Variants in ADGRB1 observed in about 807,000 individuals in gnomAD.
The protein encoded by ADGRB1 is brain-specific angiogenesis inhibitor 1.
In ADGRB1, 36 loss-of-function variants were observed where a neutral mutation model predicts 175.7. The ratio of observed to expected loss-of-function variants is 0.20; its 90% CI spans 0.16 to 0.27. ADGRB1 has a LOEUF of 0.27. ADGRB1 is among the 10% of genes least tolerant of loss of function. The pLI is 1.00. For synonymous variants in ADGRB1, 1,054 were observed against 979.4 expected (o/e 1.08, Z -1.42); for missense variants, 1,731 against 2,255.3 (o/e 0.77, Z 4.71).
In ADGRB1 at chr8:142,474,702, C is replaced by A. The variant is rs1840852515; in HGVS notation, c.785-772C>A. On this transcript the variant is annotated intron_variant, in intron 2 of 30. Transcript: ENST00000517894. The surrounding 1 kb of genome is among the most constrained non-coding windows in gnomAD (Gnocchi z 5.8). ...TGAGGTCTGGTTTGCTAGGGGAACA[C>A]AGGTCCATGAAGGCCGCGGGGACTG... 6.6e-6 allele frequency among the ~76,000 whole-genome samples: 1 copy of A among 152,152 alleles called. No individual in the cohort carries two copies. The highest frequency in any genetic ancestry group is 1.5e-5 in the Non-Finnish European group (1 of 68,026).
At position 142,464,383 on chromosome 8, in the gene ADGRB1, C is replaced by T. The variant is rs772280990; in HGVS notation, c.185C>T (p.Pro62Leu). ...FGYFSAAAVF[P>L]ANASRCSWTL... Reference sequence around the variant, plus strand: ...TACTTCTCCGCGGCCGCCGTGTTCCCGGCCAACGCCTCGCGCTGCTCCTGG... The same window carrying T: ...TACTTCTCCGCGGCCGCCGTGTTCCTGGCCAACGCCTCGCGCTGCTCCTGG... Residue 62 changes from proline (P) to leucine (L), a missense_variant, in exon 2 of 31, where the codon CCG becomes CTG. Physicochemically the swap from Pro to Leu is moderately conservative, Grantham distance 98. This residue lies in a region of ADGRB1 where 383 missense variants were observed against 383.1 expected (regional missense o/e 1.00). Transcript: ENST00000517894. 1.3e-6 allele frequency: 2 copies of T among 1,525,886 alleles called. No homozygotes were observed. Among genetic ancestry groups the T allele is most frequent in the Non-Finnish European group, 8.8e-7 (1 of 1,140,412 alleles). 94.5% of individuals were successfully genotyped at this position (1,525,886 alleles called of 1,614,324 possible).
intron 1 of ADGRB1, among the ~76,000 whole-genome samples, chr8:142,456,296 C>T (rs374760202): frequency 6.6e-6 from 1 of 152,190 alleles, no homozygotes; most frequent in Non-Finnish European, 1.5e-5. Context: ...AGACCCAATG[C>T]TGGCAACTCA....
In ADGRB1 at chr8:142,479,354, G is replaced by T; in HGVS notation, c.1593G>T (p.Trp531Cys). ...VDGKWQAWAS[W>C]GSCSVTCGAG... ...GCAAGTGGCAGGCCTGGGCGTCATG[G>T]GGCAGTTGCAGCGTCACGTGTGGGG... The change falls in exon 8 of 31, where the codon TGG becomes TGT. Residue 531 changes from tryptophan (W) to cysteine (C), a missense_variant. Around this residue, in one of 8 missense-constraint regions of ADGRB1, gnomAD observed 388 missense variants for 630.9 expected, o/e 0.61. Coordinates refer to ENST00000517894, the MANE Select transcript of ADGRB1 (RefSeq NM_001702.3). 6.5e-7 allele frequency: 1 copy of T among 1,532,472 alleles called. No homozygotes were observed. The allele number at this position is 1,532,472 out of a possible 1,614,324, so 94.9% of individuals were successfully genotyped here. A position where few individuals can be genotyped will look rare whatever the true frequency, so the allele number is the denominator to read the frequency against.
Position 142,511,015 on chromosome 8 carries a change from G to A in ADGRB1, c.2759G>A (p.Arg920His). 3 of 1,311,650 alleles carry A rather than the reference G, an allele frequency of 2.3e-6. No homozygotes were observed. The highest frequency in any genetic ancestry group is 3.0e-6 in the Non-Finnish European group (3 of 1,012,912). The allele number at this position is 1,311,650 out of a possible 1,614,324, so 81.3% of individuals were successfully genotyped here. A position where few individuals can be genotyped will look rare whatever the true frequency, so the allele number is the denominator to read the frequency against. Reference sequence around the variant, plus strand: ...GTGCCCCTCGACGCCCTCCGGACGCGCTGCCTCTGTGACCGGCTCTCCACC... The same window carrying A: ...GTGCCCCTCGACGCCCTCCGGACGCACTGCCTCTGTGACCGGCTCTCCACC... ...RTVPLDALRT[R>H]CLCDRLSTFA... is the part of the protein sequence containing the mutation. The change falls in exon 18 of 31, where the codon CGC becomes CAC. Residue 920 changes from arginine to histidine, a missense_variant. Transcript: ENST00000517894. The surrounding 1 kb of genome is among the most constrained non-coding windows in gnomAD (Gnocchi z 4.5).
chr8:142,491,540 G>A (rs1006384790), intron 17 of ADGRB1, among the ~76,000 whole-genome samples: 9 of 152,366 alleles, frequency 5.9e-5, no homozygotes, highest in African/African-American at 2.2e-4. Context: ...CCAGGGCTGA[G>A]CTAGGCCAGG....
Position 142,479,381 on chromosome 8 carries a change from T to A in ADGRB1, c.1620T>A (p.Ala540=), listed in dbSNP as rs1478065463. The part of the protein sequence containing the change: ...SWGSCSVTCG[A]GSQRRERVCS... ...GCAGTTGCAGCGTCACGTGTGGGGC[T>A]GGCAGCCAGCGACGGGAGCGTGTCT... Residue 540 remains alanine (A), a synonymous_variant, in exon 8 of 31, where the codon GCT becomes GCA. Coordinates refer to ENST00000517894, the MANE Select transcript of ADGRB1 (RefSeq NM_001702.3). The A allele has an allele frequency of 1.3e-6, 2 of 1,534,850 alleles. No homozygotes were observed. Among genetic ancestry groups the A allele is most frequent in the Non-Finnish European group, 1.7e-6 (2 of 1,145,150 alleles).
Position 142,475,463 on chromosome 8 carries a change from T to C in ADGRB1, c.785-11T>C. 7.8e-7 allele frequency: 1 copy of C among 1,290,010 alleles called. No individual in the cohort carries two copies. The highest frequency in any genetic ancestry group is 9.8e-7 in the Non-Finnish European group (1 of 1,017,944). 79.9% of individuals were successfully genotyped at this position (1,290,010 alleles called of 1,614,324 possible). On this transcript the variant is annotated splice_polypyrimidine_tract_variant and intron_variant, in intron 2 of 30. Coordinates refer to ENST00000517894, the MANE Select transcript of ADGRB1 (RefSeq NM_001702.3). ...CCCTGCCCTGATCCCCGCCCTCTGG[T>C]TTCCCCCCAGGCGGCTGGAAGCTGT...
intron 24 of ADGRB1, among the ~76,000 whole-genome samples, chr8:142,528,363 A>C (rs555479659): frequency 4.7e-4 from 71 of 152,080 alleles, no homozygotes; most frequent in African/African-American, 1.5e-3. Flanking sequence ...AGCCCTGCCC[A>C]CCACAGCGCC....
chr8:142,481,390 C>A (rs1841327862), intron 10 of ADGRB1, 30 bp downstream of exon 10: 5 of 1,610,182 alleles, frequency 3.1e-6, no homozygotes, highest in Non-Finnish European at 4.2e-6. Flanking sequence ...GGTCTCCAAC[C>A]CCTCCCCAAT....
chr8:142,526,160 G>T (rs1844171310), intron 23 of ADGRB1, among the ~76,000 whole-genome samples: 1 of 152,170 alleles, frequency 6.6e-6, no homozygotes, highest in African/African-American at 2.4e-5. Flanking sequence ...GAGGTGGCCT[G>T]CCCAGAGCAG....
At chr8:142,495,229 G>A (rs995843111) in intron 17 of ADGRB1, among the ~76,000 whole-genome samples, 5 of 152,148 alleles carry the variant, frequency 3.3e-5, no homozygotes, top group Non-Finnish European at 7.4e-5. Context: ...GTGGGTTGCT[G>A]GGGGATGGGG....
At chr8:142,498,386 A>G (rs1183453645) in intron 17 of ADGRB1, among the ~76,000 whole-genome samples, 2 of 152,088 alleles carry the variant, frequency 1.3e-5, no homozygotes, top group Non-Finnish European at 2.9e-5. Flanking sequence ...GGGGGCTTCC[A>G]CATTCATTGG....
chr8:142,489,303 C>T (rs1182146564), intron 15 of ADGRB1, 33 bp from the exon 16 acceptor site: 1 of 1,609,548 alleles, frequency 6.2e-7, no homozygotes, highest in Non-Finnish European at 8.5e-7. Context: ...GCTGGGAGGG[C>T]TCCCCCGACA....
Position 142,504,801 on chromosome 8 carries a change from G to A in ADGRB1, c.2676-6131G>A, listed in dbSNP as rs1842776007. On this transcript the variant is annotated intron_variant, in intron 17 of 30. Transcript: ENST00000517894. The surrounding 1 kb of genome is among the most constrained non-coding windows in gnomAD (Gnocchi z 5.6). ...CAGCCCATTAAGGCTCCTGAGGCCA[G>A]GCCTAGAAGCCGAAGCCTCTGCCTG... Among the ~76,000 whole-genome samples, 1 of 152,004 alleles carries A rather than the reference G, an allele frequency of 6.6e-6. No homozygotes were observed. The highest frequency in any genetic ancestry group is 1.5e-5 in the Non-Finnish European group (1 of 67,978).
intron 17 of ADGRB1, among the ~76,000 whole-genome samples, chr8:142,499,293 G>A (rs776440526): frequency 6.6e-6 from 1 of 152,218 alleles, no homozygotes; most frequent in Non-Finnish European, 1.5e-5. Context: ...CTTGGCTCCC[G>A]TGTCTTTAAA....
intron 26 of ADGRB1, among the ~76,000 whole-genome samples, chr8:142,538,529 T>C (rs181294470): frequency 7.2e-5 from 11 of 152,298 alleles, no homozygotes; most frequent in Admixed American, 3.3e-4. Flanking sequence ...AGGGGGAAGA[T>C]TTTGTTGTCT....
chr8:142,482,174 C>CTCTGGTCACACTGAGCCCTGAT (rs1841384122), intron 11 of ADGRB1, among the ~76,000 whole-genome samples: 2 of 148,814 alleles, frequency 1.3e-5, no homozygotes, highest in East Asian at 2.0e-4. Context: ...TGAGCCCTGA[C>CTCTGGTCACACTGAGCCCTGAT]CCTGGTCACA....
intron 19 of ADGRB1, among the ~76,000 whole-genome samples, chr8:142,519,540 GTGC>G (rs1353974363): frequency 3.3e-5 from 5 of 151,964 alleles, no homozygotes; most frequent in African/African-American, 1.2e-4. Flanking sequence ...GGTGGGGGTG[GTGC>G]TGCTGCTGGT....
chr8:142,482,385 T>C (rs1206741610), intron 11 of ADGRB1, among the ~76,000 whole-genome samples: 1 of 146,666 alleles, frequency 6.8e-6, no homozygotes, highest in African/African-American at 2.6e-5. Context: ...GCCCTGATTC[T>C]GGTTACACTC....
Sources: gnomAD v4.1 joint callset for allele counts (sites outside exome capture counted in the v4.1 genomes callset) on GRCh38, gnomAD v4.1.1 for gene constraint, gnomAD v4.1.1 regional missense constraint, Gnocchi (gnomAD v3.1) non-coding constraint, MANE v1.5 for transcripts, NCBI Gene and HGNC (gene_info 2026-07-23, HGNC 2026-07-21) for gene names.